PTPRT: variants seen among roughly 807,000 people sequenced by gnomAD.
PTPRT encodes receptor-type tyrosine-protein phosphatase T.
Under a neutral mutation model 176.8 loss-of-function variants are expected in PTPRT, and 56 were observed. The ratio of observed to expected loss-of-function variants is 0.32; its 90% CI spans 0.26 to 0.40. The LOEUF is 0.40. PTPRT is among the 10% of genes least tolerant of loss of function. The probability of loss-of-function intolerance (pLI) is 1.00; values close to 1 mark genes in which losing one functional copy is unlikely to be tolerated. For missense variants in PTPRT, 1,540 were observed against 1,908.2 expected, an observed-to-expected ratio of 0.81 and a Z score of 3.60; for synonymous variants, 783 against 739.0, an observed-to-expected ratio of 1.06 and a Z score of -0.96.
chr20:42,995,241 T>C (rs1271309318), intron 1 of PTPRT, among the ~76,000 whole-genome samples: 3 of 152,196 alleles, frequency 2.0e-5, no homozygotes, highest in Non-Finnish European at 4.4e-5. Flanking sequence ...GAGCAGCTTA[T>C]CTGCGTGCTT....
chr20:42,515,342 G>A (rs6093668), intron 7 of PTPRT, among the ~76,000 whole-genome samples: 1 of 152,178 alleles, frequency 6.6e-6, no homozygotes, highest in Admixed American at 6.5e-5. Flanking sequence ...AATTAGTCAG[G>A]TGTGGTGGCA....
At chr20:42,590,539 C>T (rs2073550780) in intron 7 of PTPRT, among the ~76,000 whole-genome samples, 1 of 152,048 alleles carries the variant, frequency 6.6e-6, no homozygotes, top group South Asian at 2.1e-4. Flanking sequence ...AATCACAAGC[C>T]TGCACTGTAT....
chr20:43,066,394 G>T (rs572489997), intron 1 of PTPRT, among the ~76,000 whole-genome samples: 1 of 152,082 alleles, frequency 6.6e-6, no homozygotes, highest in Non-Finnish European at 1.5e-5. Context: ...CTTTCCTTCC[G>T]TCTTTTAAAA....
intron 6 of PTPRT, among the ~76,000 whole-genome samples, chr20:42,701,714 G>A (rs922323577): frequency 6.6e-6 from 1 of 152,122 alleles, no homozygotes; most frequent in Non-Finnish European, 1.5e-5. Context: ...CGCAATTGGA[G>A]AATGTGGTGT....
intron 1 of PTPRT, among the ~76,000 whole-genome samples, chr20:43,135,639 C>T (rs1827765945): frequency 1.3e-5 from 2 of 151,980 alleles, no homozygotes; most frequent in Admixed American, 1.3e-4. Context: ...TACAAAGAAA[C>T]ACACTGTTGG....
intron 16 of PTPRT, among the ~76,000 whole-genome samples, chr20:42,197,188 G>C (rs963997817): frequency 2.6e-5 from 4 of 151,852 alleles, no homozygotes; most frequent in African/African-American, 7.3e-5. Context: ...GACCATCCTG[G>C]CAAACACGGT....
At chr20:42,396,754 G>C (rs1247432448) in intron 9 of PTPRT, among the ~76,000 whole-genome samples, 1 of 152,110 alleles carries the variant, frequency 6.6e-6, no homozygotes, top group Non-Finnish European at 1.5e-5. Flanking sequence ...TAGAGACGGG[G>C]TTTCACCATG....
chr20:42,856,603 C>T (rs529188805), intron 2 of PTPRT, among the ~76,000 whole-genome samples: 1 of 152,108 alleles, frequency 6.6e-6, no homozygotes, highest in African/African-American at 2.4e-5. Context: ...CCCCAGGTTC[C>T]CCCAGGGTTG....
At chr20:43,047,718 CAAT>C (rs775325988) in intron 1 of PTPRT, among the ~76,000 whole-genome samples, 25 of 152,212 alleles carry the variant, frequency 1.6e-4, no homozygotes, top group Non-Finnish European at 3.1e-4. Context: ...ACACCGATGA[CAAT>C]GATGATAACA....
chr20:43,037,342 C>T (rs530977743), intron 1 of PTPRT, among the ~76,000 whole-genome samples: 1 of 152,240 alleles, frequency 6.6e-6, no homozygotes, highest in East Asian at 1.9e-4. Context: ...CATAAATAAC[C>T]GTTATTCTAA....
intron 3 of PTPRT, among the ~76,000 whole-genome samples, chr20:42,789,116 T>C (rs2077336195): frequency 1.3e-5 from 2 of 152,220 alleles, no homozygotes; most frequent in Non-Finnish European, 2.9e-5. Context: ...CAGATCATTA[T>C]TACTAATGAA....
intron 16 of PTPRT, among the ~76,000 whole-genome samples, chr20:42,171,065 A>C (rs937564517): frequency 1.7e-4 from 26 of 152,208 alleles, no homozygotes; most frequent in African/African-American, 5.8e-4. Context: ...AAAATTTTTC[A>C]AGTAAAAATG....
chr20:42,568,619 T>C (rs1268869916), intron 7 of PTPRT, among the ~76,000 whole-genome samples: 1 of 152,160 alleles, frequency 6.6e-6, no homozygotes, highest in Non-Finnish European at 1.5e-5. Flanking sequence ...ATGCCAGAAC[T>C]CAAACAAACT....
intron 1 of PTPRT, among the ~76,000 whole-genome samples, chr20:43,095,316 AG>A (rs2012085396): frequency 6.6e-6 from 1 of 152,036 alleles, no homozygotes; most frequent in South Asian, 2.1e-4. Flanking sequence ...CAGCACTGAG[AG>A]GTAAATCACT....
intron 9 of PTPRT, among the ~76,000 whole-genome samples, chr20:42,418,229 G>C (rs537195741): frequency 3.3e-5 from 5 of 151,988 alleles, no homozygotes; most frequent in Non-Finnish European, 7.4e-5. Flanking sequence ...TACAATTTTG[G>C]ATTACATATT....
chr20:43,030,628 C>T (rs1986104272), intron 1 of PTPRT, among the ~76,000 whole-genome samples: 1 of 152,100 alleles, frequency 6.6e-6, no homozygotes, highest in South Asian at 2.1e-4. Flanking sequence ...CCACTGGAAT[C>T]AGGTTGAGAA....
At chr20:42,667,071 A>G (rs1164812647) in intron 7 of PTPRT, among the ~76,000 whole-genome samples, 1 of 152,120 alleles carries the variant, frequency 6.6e-6, no homozygotes, top group Admixed American at 6.5e-5. Context: ...GGCTCAGATG[A>G]TTTTTATTTT....
At chr20:42,627,768 A>AG (rs145014272) in intron 7 of PTPRT, among the ~76,000 whole-genome samples, 23 of 151,922 alleles carry the variant, frequency 1.5e-4, no homozygotes, top group African/African-American at 5.1e-4. Flanking sequence ...TTTTTTTTAA[A>AG]AAAAGCTTCT....
intron 1 of PTPRT, among the ~76,000 whole-genome samples, chr20:43,104,019 T>G (rs959170823): frequency 3.3e-5 from 5 of 152,216 alleles, no homozygotes; most frequent in African/African-American, 1.2e-4. Flanking sequence ...ACTTTGTAAC[T>G]TTTCTAGCAC....
Sources: gnomAD v4.1 joint callset for allele counts (sites outside exome capture counted in the v4.1 genomes callset) on GRCh38, gnomAD v4.1.1 for gene constraint, MANE v1.5 for transcripts, NCBI Gene and HGNC (gene_info 2026-07-23, HGNC 2026-07-21) for gene names.